The following MACROD2 variants were observed in gnomAD, a reference collection of about 807,000 sequenced individuals.
The protein encoded by MACROD2 is ADP-ribose glycohydrolase MACROD2.
MACROD2 carries 36 observed loss-of-function variants against 70.4 expected under a neutral mutation model. The ratio of observed to expected loss-of-function variants is 0.51; its 90% confidence interval spans 0.39 to 0.68. The LOEUF is 0.68. MACROD2 is among the 30% of genes least tolerant of loss of function. MACROD2 has a pLI of 0.00. For missense variants in MACROD2, 496 were observed against 538.4 expected, an observed-to-expected ratio of 0.92 and a Z score of 0.78; for synonymous variants, 172 against 178.8, an observed-to-expected ratio of 0.96 and a Z score of 0.30.
intron 8 of MACROD2, among the ~76,000 whole-genome samples, chr20:15,683,122 A>G (rs540111985): frequency 3.2e-4 from 49 of 152,380 alleles, no homozygotes; most frequent in Non-Finnish European, 6.2e-4. Flanking sequence ...TTAGAAAAAC[A>G]GTACGGAACA....
chr20:15,530,976 T>G (rs2047790314), intron 8 of MACROD2, among the ~76,000 whole-genome samples: 1 of 150,212 alleles, frequency 6.7e-6, no homozygotes, highest in South Asian at 2.1e-4. Context: ...AGGTGACTTA[T>G]TTAAGTTGAA....
intron 5 of MACROD2, among the ~76,000 whole-genome samples, chr20:15,121,785 C>T (rs933492720): frequency 7.9e-5 from 12 of 152,050 alleles, no homozygotes; most frequent in African/African-American, 2.9e-4. Context: ...GTTTGGCATT[C>T]CTCAAAAGAG....
chr20:14,391,660 T>C (rs562863182), intron 3 of MACROD2, among the ~76,000 whole-genome samples: 2 of 151,606 alleles, frequency 1.3e-5, no homozygotes, highest in South Asian at 4.2e-4. Context: ...GAGATCTGTG[T>C]ATATTGTAGC....
intron 6 of MACROD2, among the ~76,000 whole-genome samples, chr20:15,238,749 A>G (rs1272876621): frequency 1.3e-5 from 2 of 152,162 alleles, no homozygotes; most frequent in Admixed American, 6.5e-5. Flanking sequence ...GACCAAGAAA[A>G]CTATGTTTAA....
chr20:15,058,109 C>T (rs767405109), intron 5 of MACROD2, among the ~76,000 whole-genome samples: 4 of 152,050 alleles, frequency 2.6e-5, no homozygotes, highest in East Asian at 1.9e-4. Context: ...GGCTGCTCGA[C>T]GTAGGGGAAG....
At chr20:15,663,770 A>G (rs1411206744) in intron 8 of MACROD2, among the ~76,000 whole-genome samples, 1 of 152,212 alleles carries the variant, frequency 6.6e-6, no homozygotes, top group African/African-American at 2.4e-5. Context: ...ATAGGAACAG[A>G]ACAGAACGAG....
intron 4 of MACROD2, among the ~76,000 whole-genome samples, chr20:14,648,235 A>C (rs897525969): frequency 6.6e-6 from 1 of 152,226 alleles, no homozygotes; most frequent in East Asian, 1.9e-4. Context: ...TCTCTATGTA[A>C]GATGACTAGG....
At chr20:14,440,965 C>T (rs970822858) in intron 3 of MACROD2, among the ~76,000 whole-genome samples, 1 of 152,166 alleles carries the variant, frequency 6.6e-6, no homozygotes, top group East Asian at 1.9e-4. Flanking sequence ...GGACTCACCC[C>T]CTTTGCTAGA....
intron 5 of MACROD2, among the ~76,000 whole-genome samples, chr20:14,782,825 T>C (rs2072318906): frequency 6.6e-6 from 1 of 152,140 alleles, no homozygotes; most frequent in South Asian, 2.1e-4. Flanking sequence ...TCCCAGGTGC[T>C]GCTTCCCCTA....
chr20:14,673,048 T>C (rs551788130), intron 4 of MACROD2, among the ~76,000 whole-genome samples: 2 of 152,306 alleles, frequency 1.3e-5, no homozygotes, highest in African/African-American at 4.8e-5. Context: ...ATGATTCCCA[T>C]GTATAGCGTT....
chr20:16,016,355 G>T (rs6110873), intron 15 of MACROD2, among the ~76,000 whole-genome samples: 1 of 152,096 alleles, frequency 6.6e-6, no homozygotes, highest in African/African-American at 2.4e-5. Context: ...TTAAAATATA[G>T]GTCTGCCTGT....
chr20:15,859,582 G>A (rs1218500411), intron 8 of MACROD2, among the ~76,000 whole-genome samples: 1 of 152,068 alleles, frequency 6.6e-6, no homozygotes, highest in Non-Finnish European at 1.5e-5. Flanking sequence ...GTTTGTGCAC[G>A]CTTATAATAA....
At chr20:16,004,656 G>A (rs925574050) in intron 15 of MACROD2, among the ~76,000 whole-genome samples, 2 of 152,194 alleles carry the variant, frequency 1.3e-5, no homozygotes, top group Non-Finnish European at 2.9e-5. Context: ...CCGGCTCTGC[G>A]GCCCCTGTCA....
At position 15,239,142 on chromosome 20, in the gene MACROD2, G is replaced by A. The variant is rs143453698; in HGVS notation, c.540+9081G>A. Among the ~76,000 whole-genome samples the A allele has an allele frequency of 5.9e-3, 889 of 151,860 alleles. 3 individuals carry two copies. The highest frequency in any genetic ancestry group is 9.8e-3 in the Non-Finnish European group (665 of 67,976). On this transcript the variant is annotated intron_variant, in intron 6 of 17. Transcript: ENST00000684519. ...AGAGGGTTAATAGTATAGAGCAAAG[G>A]CAATGGCTTTAAACCAAACATTTTT...
chr20:15,459,869 C>T (rs918672731), intron 7 of MACROD2, among the ~76,000 whole-genome samples: 1 of 151,924 alleles, frequency 6.6e-6, no homozygotes, highest in African/African-American at 2.4e-5. Flanking sequence ...TGGGGGCCAC[C>T]CTTCTCCACC....
chr20:14,675,580 G>A (rs528017046), intron 4 of MACROD2, among the ~76,000 whole-genome samples: 2 of 152,212 alleles, frequency 1.3e-5, no homozygotes, highest in South Asian at 4.1e-4. Flanking sequence ...GGAAAAATCG[G>A]TACCAGCCAC....
At chr20:15,850,501 A>G (rs1320475171) in intron 8 of MACROD2, among the ~76,000 whole-genome samples, 1 of 152,156 alleles carries the variant, frequency 6.6e-6, no homozygotes, top group Admixed American at 6.5e-5. Flanking sequence ...GTGCTGCCAC[A>G]CCTCCAGACT....
intron 4 of MACROD2, among the ~76,000 whole-genome samples, chr20:14,663,025 A>T (rs1986300317): frequency 6.6e-6 from 1 of 152,100 alleles, no homozygotes; most frequent in Non-Finnish European, 1.5e-5. Context: ...ATGAAGACAC[A>T]TGCACACATA....
At chr20:15,736,832 T>C (rs188410545) in intron 8 of MACROD2, among the ~76,000 whole-genome samples, 37 of 152,284 alleles carry the variant, frequency 2.4e-4, no homozygotes, top group Admixed American at 2.4e-3. Flanking sequence ...TGGATTTTGG[T>C]ATCTGCAGGA....
Sources: gnomAD v4.1 joint callset for allele counts (sites outside exome capture counted in the v4.1 genomes callset) on GRCh38, gnomAD v4.1.1 for gene constraint, MANE v1.5 for transcripts, NCBI Gene and HGNC (gene_info 2026-07-23, HGNC 2026-07-21) for gene names.